PLA2G7: variants seen among roughly 807,000 people sequenced by gnomAD.
The protein encoded by PLA2G7 is platelet-activating factor acetylhydrolase.
Under a neutral mutation model 49.6 loss-of-function variants are expected in PLA2G7, and 63 were observed. That is an observed-to-expected ratio of 1.27 (90% CI 1.04 to 1.57). PLA2G7 has a LOEUF of 1.57. Ranked by LOEUF, PLA2G7 falls within the 40% of genes most tolerant of loss-of-function variation. The pLI is 0.00. For synonymous variants in PLA2G7, 193 were observed against 169.9 expected, an observed-to-expected ratio of 1.14 and a Z score of -1.06; for missense variants, 596 against 521.2, an observed-to-expected ratio of 1.14 and a Z score of -1.40.
At position 46,730,553 on chromosome 6, in the gene PLA2G7, G is replaced by A. The variant is rs142489866; in HGVS notation, c.-35+4627C>T. On this transcript the variant is annotated intron_variant, in intron 1 of 11. Transcript: ENST00000274793. ...TTCATGCAATAGAATAAGGACTGGC[G>A]TGAACTGTCCTTATTCTATTTGGAT... Among the ~76,000 whole-genome samples the A allele has an allele frequency of 6.8e-4, 104 of 152,162 alleles. 1 individual carries two copies. The highest frequency in any genetic ancestry group is 3.2e-3 in the Admixed American group (49 of 15,292).
chr6:46,713,795 G>C (rs1434440793), intron 5 of PLA2G7, among the ~76,000 whole-genome samples: 2 of 152,144 alleles, frequency 1.3e-5, no homozygotes, highest in African/African-American at 4.8e-5. Context: ...TCCAGCTCCT[G>C]CCCCTCTGTA....
intron 1 of PLA2G7, among the ~76,000 whole-genome samples, chr6:46,726,955 T>C (rs1157730659): frequency 6.6e-6 from 1 of 152,124 alleles, no homozygotes; most frequent in African/African-American, 2.4e-5. Flanking sequence ...AATGGGAATG[T>C]TCACTTTAAA....
intron 9 of PLA2G7, 44 bp from the exon 10 acceptor site, chr6:46,708,205 A>G (rs1291368581): frequency 2.1e-6 from 3 of 1,423,924 alleles, no homozygotes; most frequent in African/African-American, 1.4e-5. Flanking sequence ...CTGGTTACAT[A>G]CTAGCCAACA....
At chr6:46,711,037 C>T (rs185730614) in intron 7 of PLA2G7, among the ~76,000 whole-genome samples, 93 of 152,270 alleles carry the variant, frequency 6.1e-4, no homozygotes, top group Non-Finnish European at 8.2e-4. Flanking sequence ...CCTAATAGCT[C>T]TGTAAGACAA....
At chr6:46,716,601 TTTAATTA>T in intron 3 of PLA2G7, 73 bp from the exon 4 acceptor site, 1 of 1,499,820 alleles carries the variant, frequency 6.7e-7, no homozygotes, top group Non-Finnish European at 9.2e-7. Flanking sequence ...ATTTTGCATA[TTTAATTA>T]GTGGGGACTC....
At chr6:46,732,735 G>T (rs962709171) in intron 1 of PLA2G7, among the ~76,000 whole-genome samples, 15 of 152,142 alleles carry the variant, frequency 9.9e-5, no homozygotes, top group Non-Finnish European at 2.2e-4. Context: ...TTCTGTTAGT[G>T]TTGAGTCACG....
At chr6:46,723,568 T>A in intron 1 of PLA2G7, among the ~76,000 whole-genome samples, 1 of 152,192 alleles carries the variant, frequency 6.6e-6, no homozygotes, top group East Asian at 1.9e-4. Context: ...GTGGTAATAA[T>A]AAATTATAAT....
chr6:46,714,314 A>T (rs1765125998), intron 5 of PLA2G7, 146 bp downstream of exon 5: 1 of 733,364 alleles, frequency 1.4e-6, no homozygotes, highest in Admixed American at 1.9e-5. Flanking sequence ...AGGACTGATC[A>T]ATAGACCCAC....
At chr6:46,721,038 C>T (rs1255193731) in intron 2 of PLA2G7, among the ~76,000 whole-genome samples, 1 of 151,870 alleles carries the variant, frequency 6.6e-6, no homozygotes, top group Non-Finnish European at 1.5e-5. Context: ...AATATATATG[C>T]ATTCTTTTTT....
At chr6:46,714,893 G>A (rs1403450918) in intron 4 of PLA2G7, among the ~76,000 whole-genome samples, 5 of 151,466 alleles carry the variant, frequency 3.3e-5, no homozygotes, top group African/African-American at 2.4e-5. Flanking sequence ...GCGCCACCAC[G>A]CCTGGCTAAT....
intron 5 of PLA2G7, among the ~76,000 whole-genome samples, chr6:46,712,892 T>A (rs1292713377): frequency 6.6e-6 from 1 of 152,238 alleles, no homozygotes; most frequent in Non-Finnish European, 1.5e-5. Context: ...GAATGAGACC[T>A]GCAGTCTGAC....
In PLA2G7 at chr6:46,716,535, A is replaced by G. The variant is rs936561152; in HGVS notation, c.232-7T>C. On this transcript the variant is annotated splice_region_variant and splice_polypyrimidine_tract_variant and intron_variant, in intron 3 of 11. Coordinates refer to ENST00000274793, the MANE Select transcript of PLA2G7 (RefSeq NM_005084.4). ...ATAAACGCAAGAAGGTGCCCTGTTAAGAAAGAAATTAATGCACTTTTAGAG... is the reference window on the plus strand; with the variant it reads ...ATAAACGCAAGAAGGTGCCCTGTTAGGAAAGAAATTAATGCACTTTTAGAG... 3.1e-6 allele frequency: 5 copies of G among 1,613,358 alleles called. No individual in the cohort carries two copies. Among genetic ancestry groups the G allele is most frequent in the South Asian group, 1.1e-5 (1 of 91,026 alleles).
chr6:46,708,878 T>A (rs1474079510), intron 9 of PLA2G7, among the ~76,000 whole-genome samples: 1 of 152,130 alleles, frequency 6.6e-6, no homozygotes, highest in Non-Finnish European at 1.5e-5. Flanking sequence ...GCTAGAAAAC[T>A]GGGGTCTTGT....
chr6:46,720,132 T>A lies in PLA2G7; in HGVS notation c.109+2651A>T, dbSNP rs553128585. Reference sequence around the variant, plus strand: ...CTGCAACCCCACCCCTAGGCAGGCATGGTGTGCCTGTGCAGGGCTTGCTGC... The same window carrying A: ...CTGCAACCCCACCCCTAGGCAGGCAAGGTGTGCCTGTGCAGGGCTTGCTGC... On this transcript the variant is annotated intron_variant, in intron 2 of 11. Coordinates refer to ENST00000274793, the MANE Select transcript of PLA2G7 (RefSeq NM_005084.4). 6.4e-4 allele frequency among the ~76,000 whole-genome samples: 97 copies of A among 152,282 alleles called. 3 individuals are homozygous for A. The highest frequency in any genetic ancestry group is 1.8e-3 in the African/African-American group (75 of 41,564).
At position 46,708,153 on chromosome 6, in the gene PLA2G7, A is replaced by T. The variant is rs1299111417; in HGVS notation, c.878T>A (p.Ile293Asn). ...LSEDQRFRCGIALDAWMFPLG... is the reference protein window; with the variant it reads ...LSEDQRFRCGNALDAWMFPLG... Reference sequence around the variant, plus strand: ...TGGAAACATCCATGCATCCAGGGCAATACCACATCTGTAGATATTTGTTGA... The same window carrying T: ...TGGAAACATCCATGCATCCAGGGCATTACCACATCTGTAGATATTTGTTGA... The change falls in exon 10 of 12, where the codon ATT (isoleucine) becomes AAT (asparagine). Residue 293 changes from isoleucine to asparagine, a missense_variant. Transcript: ENST00000274793. 1.2e-6 allele frequency: 2 copies of T among 1,610,356 alleles called. No homozygotes were observed. Among genetic ancestry groups the T allele is most frequent in the Non-Finnish European group, 1.7e-6 (2 of 1,176,716 alleles).
At chr6:46,715,875 G>GT (rs1250272541) in intron 4 of PLA2G7, among the ~76,000 whole-genome samples, 1 of 152,246 alleles carries the variant, frequency 6.6e-6, no homozygotes, top group East Asian at 1.9e-4. Flanking sequence ...AATGTAGACA[G>GT]TAAGTGAAGA....
intron 5 of PLA2G7, among the ~76,000 whole-genome samples, chr6:46,714,208 G>A (rs978963734): frequency 2.0e-5 from 3 of 152,068 alleles, no homozygotes; most frequent in Non-Finnish European, 4.4e-5. Flanking sequence ...AATAATGAAG[G>A]ACAACTATAG....
In PLA2G7 at chr6:46,709,366, G is replaced by C. The variant is rs371851212; in HGVS notation, c.830C>G (p.Ala277Gly). 73 of 1,607,624 alleles carry C rather than the reference G, an allele frequency of 4.5e-5. No homozygotes were observed. The South Asian group carries it at 4.9e-4, about 11-fold the overall frequency. ...IAVIGHSFGG[A>G]TVIQTLSEDQ... is the part of the protein sequence containing the mutation. The stretch of plus-strand genomic sequence containing the variant: ...TTCACTAAGAGTCTGAATAACCGTT[G>C]CTCCACCAAAAGAATGTCCAATTAC... The change falls in exon 9 of 12, where the codon GCA becomes GGA. Residue 277 changes from alanine (A) to glycine (G), a missense_variant. Ala to Gly is a moderately conservative substitution (Grantham distance 60, BLOSUM62 0). Transcript: ENST00000274793.
intron 1 of PLA2G7, among the ~76,000 whole-genome samples, chr6:46,725,747 C>T (rs1240810353): frequency 1.3e-5 from 2 of 152,180 alleles, no homozygotes; most frequent in Admixed American, 1.3e-4. Context: ...ATTGAGTTAT[C>T]TCTTCGCAAA....
Sources: allele counts gnomAD v4.1 joint callset (sites outside exome capture counted in the v4.1 genomes callset), GRCh38; gene constraint gnomAD v4.1.1; transcripts MANE v1.5; gene names NCBI Gene and HGNC (gene_info 2026-07-23, HGNC 2026-07-21).